The following AGBL1 variants were observed in gnomAD, a reference collection of about 807,000 sequenced individuals.
AGBL1 encodes the protein cytosolic carboxypeptidase 4.
AGBL1 carries 130 observed loss-of-function variants against 118.9 expected under a neutral mutation model. The ratio of observed to expected loss-of-function variants is 1.09; its 90% confidence interval spans 0.95 to 1.26. AGBL1 has a LOEUF of 1.26. Among genes scored for constraint, AGBL1 ranks in the 50% most tolerant of loss-of-function variants. The probability of loss-of-function intolerance (pLI) is 0.00; values close to 1 mark genes in which losing one functional copy is unlikely to be tolerated. For synonymous variants in AGBL1, 555 were observed against 478.9 expected, an observed-to-expected ratio of 1.16 and a Z score of -2.08; for missense variants, 1,584 against 1,298.1, an observed-to-expected ratio of 1.22 and a Z score of -3.38.
intron 21 of AGBL1, among the ~76,000 whole-genome samples, chr15:86,657,494 T>C (rs1246780541): frequency 2.0e-5 from 3 of 152,174 alleles, no homozygotes; most frequent in African/African-American, 7.2e-5. Context: ...TGTTTGTATG[T>C]ACACATATTG....
intron 3 of AGBL1, among the ~76,000 whole-genome samples, chr15:86,153,558 A>G (rs2077146017): frequency 6.6e-6 from 1 of 152,210 alleles, no homozygotes; most frequent in East Asian, 1.9e-4. Context: ...TACCTAATGT[A>G]AATGACGGGT....
At chr15:86,951,981 C>T (rs2076930483) in intron 23 of AGBL1, among the ~76,000 whole-genome samples, 1 of 152,056 alleles carries the variant, frequency 6.6e-6, no homozygotes, top group African/African-American at 2.4e-5. Context: ...GCTTGTAATC[C>T]CAGCACTTTG....
chr15:86,592,572 G>A (rs2084352695), intron 21 of AGBL1, among the ~76,000 whole-genome samples: 1 of 152,196 alleles, frequency 6.6e-6, no homozygotes, highest in African/African-American at 2.4e-5. Context: ...GAGGGGCCGT[G>A]TGTGCAGTGT....
At chr15:86,170,525 C>T (rs74550866) in intron 5 of AGBL1, among the ~76,000 whole-genome samples, 2,499 of 152,116 alleles carry the variant, frequency 0.016, 29 homozygotes, top group East Asian at 0.07. Context: ...ATGAAAAAAA[C>T]GACTTCAAGG....
At chr15:86,649,626 A>T (rs558071765) in intron 21 of AGBL1, among the ~76,000 whole-genome samples, 15 of 152,186 alleles carry the variant, frequency 9.9e-5, no homozygotes, top group Middle Eastern at 6.8e-3. Context: ...AATTCTGCAT[A>T]AGAAAAAATG....
chr15:86,811,363 A>G (rs1413287549), intron 22 of AGBL1, among the ~76,000 whole-genome samples: 1 of 152,174 alleles, frequency 6.6e-6, no homozygotes, highest in Non-Finnish European at 1.5e-5. Context: ...AAAAGTTCAG[A>G]TATGAGATAA....
chr15:86,494,497 T>C lies in AGBL1; in HGVS notation c.2556-28313T>C, dbSNP rs137973521. ...TGCTGGTTTTGTATGATCTGCAGGA[T>C]GATGGTGTGCTTAGAGTGTTGATGT... On this transcript the variant is annotated intron_variant, in intron 18 of 22. Coordinates refer to ENST00000614907, the MANE Select transcript of AGBL1 (RefSeq NM_001386094.1). 2.8e-3 allele frequency among the ~76,000 whole-genome samples: 431 copies of C among 152,184 alleles called. 4 individuals carry two copies. Among genetic ancestry groups the C allele is most frequent in the African/African-American group, 7.9e-3 (328 of 41,548 alleles).
intron 5 of AGBL1, among the ~76,000 whole-genome samples, chr15:86,223,930 AT>A (rs2078318482): frequency 6.6e-6 from 1 of 152,124 alleles, no homozygotes; most frequent in African/African-American, 2.4e-5. Context: ...CCACTGAGAG[AT>A]TCTGGAGAAC....
chr15:86,240,857 C>A (rs536848374), intron 6 of AGBL1, among the ~76,000 whole-genome samples: 1 of 152,202 alleles, frequency 6.6e-6, no homozygotes, highest in South Asian at 2.1e-4. Flanking sequence ...GCCTCAAGTC[C>A]TTGTATTTAT....
chr15:86,767,107 A>T (rs1003626758), intron 22 of AGBL1, among the ~76,000 whole-genome samples: 59 of 152,058 alleles, frequency 3.9e-4, no homozygotes, highest in Non-Finnish European at 6.0e-4. Flanking sequence ...TGCTTAAATA[A>T]GTATCAACTT....
intron 23 of AGBL1, among the ~76,000 whole-genome samples, chr15:86,973,469 A>G (rs569684734): frequency 7.1e-6 from 1 of 140,066 alleles, no homozygotes; most frequent in African/African-American, 2.5e-5. Flanking sequence ...GTCAGCCTAC[A>G]TTCCTCTTCA....
intron 5 of AGBL1, 59 bp from the exon 6 acceptor site, chr15:86,224,855 C>T (rs2078335046): frequency 1.3e-6 from 2 of 1,557,114 alleles, no homozygotes; most frequent in Non-Finnish European, 1.8e-6. Context: ...CTGTGGGATC[C>T]ATGTGCTGAG....
chr15:86,753,269 T>C (rs1240680121), intron 22 of AGBL1, among the ~76,000 whole-genome samples: 1 of 152,074 alleles, frequency 6.6e-6, no homozygotes, highest in African/African-American at 2.4e-5. Flanking sequence ...CCAAGGACTC[T>C]GACCAATGAT....
At chr15:86,659,625 A>T (rs1194859366) in intron 21 of AGBL1, among the ~76,000 whole-genome samples, 2 of 152,122 alleles carry the variant, frequency 1.3e-5, no homozygotes, top group South Asian at 2.1e-4. Context: ...CAACCGTAAG[A>T]TCTAACCTGA....
intron 21 of AGBL1, among the ~76,000 whole-genome samples, chr15:86,660,902 A>G (rs1184178861): frequency 2.0e-5 from 3 of 152,216 alleles, no homozygotes; most frequent in South Asian, 2.1e-4. Context: ...AAGGAAAATA[A>G]TAATAGTATT....
intron 1 of AGBL1, among the ~76,000 whole-genome samples, chr15:86,123,641 G>A (rs921071859): frequency 2.6e-5 from 4 of 152,216 alleles, no homozygotes; most frequent in South Asian, 2.1e-4. Context: ...GTTTGAATCC[G>A]CCTATGACCT....
intron 6 of AGBL1, among the ~76,000 whole-genome samples, chr15:86,229,370 C>T (rs1214229785): frequency 6.6e-6 from 1 of 151,980 alleles, no homozygotes; most frequent in Admixed American, 6.6e-5. Flanking sequence ...AGGAGAAGTG[C>T]CAAGCAAAAG....
At chr15:86,456,988 T>C (rs937265315) in intron 18 of AGBL1, among the ~76,000 whole-genome samples, 1 of 152,128 alleles carries the variant, frequency 6.6e-6, no homozygotes, top group African/African-American at 2.4e-5. Flanking sequence ...AAAAATTATA[T>C]ATGTAGAGAA....
intron 1 of AGBL1, among the ~76,000 whole-genome samples, chr15:86,141,229 A>G (rs2141643415): frequency 6.6e-6 from 1 of 152,306 alleles, no homozygotes; most frequent in East Asian, 1.9e-4. Context: ...GATCCTTTAG[A>G]GTTTTTTCAT....
Sources: gnomAD v4.1 joint callset for allele counts (sites outside exome capture counted in the v4.1 genomes callset) on GRCh38, gnomAD v4.1.1 for gene constraint, MANE v1.5 for transcripts, NCBI Gene and HGNC (gene_info 2026-07-23, HGNC 2026-07-21) for gene names.